FAR1: variants seen among roughly 807,000 people sequenced by gnomAD.
FAR1 encodes male sterility domain-containing protein 2.
FAR1 carries 22 observed loss-of-function variants against 61.1 expected under a neutral mutation model. The observed-to-expected ratio is 0.36, with a 90% CI of 0.26 to 0.51. The LOEUF is 0.51. Ranked by LOEUF, FAR1 falls within the 20% of genes least tolerant of loss-of-function variation. The pLI is 0.95. For synonymous variants in FAR1, 206 were observed against 209.7 expected (o/e 0.98, Z 0.15); for missense variants, 359 against 626.9 (o/e 0.57, Z 4.56).
chr11:13,671,656 A>G (rs970091642), intron 1 of FAR1, among the ~76,000 whole-genome samples: 1 of 152,212 alleles, frequency 6.6e-6, no homozygotes, highest in Non-Finnish European at 1.5e-5. Flanking sequence ...ACTGTTTTGA[A>G]CCTTCCAAAT....
intron 1 of FAR1, among the ~76,000 whole-genome samples, 164 bp downstream of exon 1, chr11:13,668,970 C>T (rs536548183): frequency 4.6e-5 from 7 of 152,182 alleles, no homozygotes; most frequent in South Asian, 4.2e-4. Flanking sequence ...AGTGAGGGCG[C>T]CCGCCTCACC....
intron 9 of FAR1, among the ~76,000 whole-genome samples, chr11:13,718,719 G>A (rs1848579102): frequency 6.6e-6 from 1 of 152,152 alleles, no homozygotes; most frequent in South Asian, 2.1e-4. Context: ...AATATCTGTG[G>A]GTCAGGAATT....
chr11:13,700,411 A>G lies in FAR1; in HGVS notation c.284A>G (p.Glu95Gly). The G allele has an allele frequency of 6.2e-7, 1 of 1,600,834 alleles. No homozygotes were observed. Among genetic ancestry groups the G allele is most frequent in the Non-Finnish European group, 8.5e-7 (1 of 1,175,082 alleles). The change falls in exon 3 of 12, where the codon GAA (glutamate) becomes GGA (glycine). Residue 95 changes from glutamate to glycine, a missense_variant. By Grantham distance (98) the Glu-to-Gly change is moderately conservative. Around this residue, in one of 2 missense-constraint regions of FAR1, gnomAD observed 344 missense variants for 570.3 expected, o/e 0.60. Coordinates refer to ENST00000354817, the MANE Select transcript of FAR1 (RefSeq NM_032228.6). ...ACCCAACCTAAACTGGCTCTCAGTG[A>G]AGAAGATAAAGAGGTGATCATAGAT... ...ELTQPKLALS[E>G]EDKEVIIDST...
intron 1 of FAR1, among the ~76,000 whole-genome samples, chr11:13,692,620 T>A (rs905301444): frequency 6.6e-5 from 10 of 152,220 alleles, no homozygotes; most frequent in Admixed American, 2.0e-4. Flanking sequence ...TCACTATTTC[T>A]TATTGGTATA....
chr11:13,683,504 A>G (rs1296742398), intron 1 of FAR1, among the ~76,000 whole-genome samples: 2 of 151,912 alleles, frequency 1.3e-5, no homozygotes, highest in African/African-American at 4.8e-5. Flanking sequence ...TTATTTGTCC[A>G]TTTGCTCAAA....
At chr11:13,718,804 T>A (rs1848579961) in intron 9 of FAR1, among the ~76,000 whole-genome samples, 1 of 152,046 alleles carries the variant, frequency 6.6e-6, no homozygotes, top group Admixed American at 6.6e-5. Flanking sequence ...TGGAGGAACT[T>A]TGCTGTGGAG....
chr11:13,728,458 T>C (rs540738463), intron 11 of FAR1, among the ~76,000 whole-genome samples, 154 bp from the exon 12 acceptor site: 6 of 152,080 alleles, frequency 3.9e-5, no homozygotes, highest in African/African-American at 9.6e-5. Context: ...AAGGTACATA[T>C]CTGTTTTACC....
At chr11:13,698,671 A>T (rs1046709868) in intron 2 of FAR1, among the ~76,000 whole-genome samples, 6 of 152,092 alleles carry the variant, frequency 3.9e-5, no homozygotes, top group Non-Finnish European at 7.4e-5. Flanking sequence ...TCTACTAAAA[A>T]TACAGAAAAA....
chr11:13,726,454 TAG>T (rs1293685878), intron 10 of FAR1, among the ~76,000 whole-genome samples: 5 of 152,116 alleles, frequency 3.3e-5, no homozygotes, highest in African/African-American at 7.2e-5. Context: ...TACACTGGCA[TAG>T]AGTTTTATTT....
intron 1 of FAR1, among the ~76,000 whole-genome samples, chr11:13,682,140 G>A (rs7934143): frequency 0.11 from 17,191 of 152,186 alleles, 1,127 homozygotes; most frequent in African/African-American, 0.18. Flanking sequence ...TGGCATATCT[G>A]TATTTCTGAA....
In FAR1 at chr11:13,694,635, G is replaced by A. The variant is rs12282039; in HGVS notation, c.-7-124G>A. 0.038 allele frequency: 29,485 copies of A among 770,318 alleles called. 719 individuals carry two copies. The highest frequency in any genetic ancestry group is 0.046 in the Non-Finnish European group (22,580 of 488,728). 47.7% of individuals were successfully genotyped at this position (770,318 alleles called of 1,614,324 possible). On this transcript the variant is annotated intron_variant, in intron 1 of 11. Transcript: ENST00000354817. ...GAACTTGAGGTTAGAGTCCTCTCTT[G>A]TTAATGTTCTATTTTGACTTTTGTC...
rs2134192202 is a variant in FAR1, at chr11:13,711,772, T to C, written c.732T>C (p.Ile244=). ...AAAATTTTTGGTATTAGGGATGGAT[T>C]GATAACTTTAATGGACCAAGTGGTC... The part of the protein sequence containing the change: ...ASWKEPFPGW[I]DNFNGPSGLF... The change falls in exon 6 of 12, where the codon ATT becomes ATC. Residue 244 remains isoleucine (I), a synonymous_variant. Coordinates refer to ENST00000354817, the MANE Select transcript of FAR1 (RefSeq NM_032228.6). 1 of 1,598,880 alleles carries C rather than the reference T, an allele frequency of 6.3e-7. No homozygotes were observed. The highest frequency in any genetic ancestry group is 8.5e-7 in the Non-Finnish European group (1 of 1,173,530).
At chr11:13,708,336 C>T (rs1243123264) in intron 4 of FAR1, among the ~76,000 whole-genome samples, 2 of 151,338 alleles carry the variant, frequency 1.3e-5, no homozygotes, top group African/African-American at 4.9e-5. Flanking sequence ...CCAACCTGGG[C>T]AACACAGTGA....
intron 2 of FAR1, among the ~76,000 whole-genome samples, chr11:13,695,160 G>A (rs1848295274): frequency 6.6e-6 from 1 of 152,134 alleles, no homozygotes; most frequent in Admixed American, 6.5e-5. Context: ...TCTGTGACTG[G>A]CAAAATTGTA....
At chr11:13,676,701 C>T (rs10500795) in intron 1 of FAR1, among the ~76,000 whole-genome samples, 13,680 of 152,144 alleles carry the variant, frequency 0.09, 708 homozygotes, top group Middle Eastern at 0.14. Flanking sequence ...GCAGAATTCT[C>T]AGGAGATAGG....
At position 13,730,415 on chromosome 11, in the gene FAR1, A is replaced by G. The variant is rs1271115021; in HGVS notation, c.*1641A>G. On this transcript the variant is annotated 3_prime_UTR_variant, in exon 12 of 12. Transcript: ENST00000354817. ...TTATTTTAAAAGAAATATGTATATA[A>G]ATATCTCTATATTCTTTGGAATGAT... is the stretch of plus-strand genomic sequence containing the variant. 6.6e-6 allele frequency: 1 copy of G among 152,354 alleles called. No individual in the cohort carries two copies. The highest frequency in any genetic ancestry group is 1.5e-5 in the Non-Finnish European group (1 of 67,924). The allele number at this position is 152,354 out of a possible 1,614,324, so 9.4% of individuals were successfully genotyped here. A position where few individuals can be genotyped will look rare whatever the true frequency, so the allele number is the denominator to read the frequency against.
At chr11:13,679,328 A>C (rs182298017) in intron 1 of FAR1, among the ~76,000 whole-genome samples, 1 of 152,214 alleles carries the variant, frequency 6.6e-6, no homozygotes, top group East Asian at 1.9e-4. Flanking sequence ...CTAAAAAAAG[A>C]GTCATGTATG....
chr11:13,711,883 C>T (rs1848502969), intron 6 of FAR1, 45 bp from the exon 7 acceptor site: 2 of 1,556,226 alleles, frequency 1.3e-6, no homozygotes, highest in Non-Finnish European at 1.8e-6. Flanking sequence ...TATATATACA[C>T]TATGGCTTAT....
rs111747096 is a variant in FAR1, at chr11:13,710,705, T to C, written c.558T>C (p.Asp186=). Residue 186 remains aspartate, a synonymous_variant, in exon 5 of 12, where the codon GAT becomes GAC. Coordinates refer to ENST00000354817, the MANE Select transcript of FAR1 (RefSeq NM_032228.6). ...ATTTCTTTACCAGGTGGATGGATGA[T>C]GGCCTAGTAAATGATATCACGCCAA... ...KLIDSLEWMD[D]GLVNDITPKL... The C allele has an allele frequency of 2.5e-6, 4 of 1,587,804 alleles. No homozygotes were observed. The highest frequency in any genetic ancestry group is 3.4e-6 in the Non-Finnish European group (4 of 1,172,432).
Sources: gnomAD v4.1 joint callset for allele counts (sites outside exome capture counted in the v4.1 genomes callset) on GRCh38, gnomAD v4.1.1 for gene constraint, gnomAD v4.1.1 regional missense constraint, MANE v1.5 for transcripts, NCBI Gene and HGNC (gene_info 2026-07-23, HGNC 2026-07-21) for gene names.